Variants in ECI1 observed in about 807,000 individuals in gnomAD.
ECI1 encodes the protein enoyl-CoA delta isomerase 1, mitochondrial.
Under a neutral mutation model 34.2 loss-of-function variants are expected in ECI1, and 34 were observed. The observed-to-expected ratio is 1.00, with a 90% CI of 0.76 to 1.33. ECI1 has a LOEUF of 1.33. Among genes scored for constraint, ECI1 ranks in the 40% most tolerant of loss-of-function variants. The pLI is 0.00. For missense variants in ECI1, 456 were observed against 422.2 expected, an observed-to-expected ratio of 1.08 and a Z score of -0.70; for synonymous variants, 211 against 193.0, an observed-to-expected ratio of 1.09 and a Z score of -0.77.
intron 6 of ECI1, chr16:2,240,364 A>G: frequency 1.9e-6 from 1 of 515,884 alleles, no homozygotes; most frequent in Non-Finnish European, 3.5e-6. Context: ...ACCGTGTGCC[A>G]CCACACCCGG....
chr16:2,251,526 A>T lies in ECI1; in HGVS notation c.41T>A (p.Leu14Gln), dbSNP rs199944223. 3.4e-4 allele frequency: 530 copies of T among 1,560,730 alleles called. 2 individuals carry two copies. The African/African-American group carries it at 6.9e-3, about 20-fold the overall frequency. Residue 14 changes from leucine to glutamine, a missense_variant, in exon 1 of 7, where the codon CTG becomes CAG. Coordinates refer to ENST00000301729, the MANE Select transcript of ECI1 (RefSeq NM_001919.4). ...CCCGGGTTTCGCACCCGCGCGGAGC[A>T]GAACGCGCGCCGGGACTCGCACAGA... The part of the protein sequence containing the change: ...VASVRVPARV[L>Q]LRAGARLPGA...
intron 4 of ECI1, 70 bp from the exon 5 acceptor site, chr16:2,243,509 A>C: frequency 6.3e-7 from 1 of 1,588,076 alleles, no homozygotes. Context: ...GGCCAGGTCC[A>C]AGGAAGGAGG....
At chr16:2,249,929 A>G (rs1207161533) in intron 2 of ECI1, among the ~76,000 whole-genome samples, 4 of 143,646 alleles carry the variant, frequency 2.8e-5, no homozygotes, top group Non-Finnish European at 6.1e-5. Context: ...TTGGAGTCAG[A>G]AAGTCAGGCC....
At chr16:2,243,928 G>A (rs921013674) in intron 4 of ECI1, among the ~76,000 whole-genome samples, 8 of 152,290 alleles carry the variant, frequency 5.3e-5, no homozygotes, top group African/African-American at 1.9e-4. Context: ...GCATGGCCGT[G>A]CACCCTTGAG....
At chr16:2,246,164 CGAT>C (rs2093539799) in intron 3 of ECI1, among the ~76,000 whole-genome samples, 2 of 152,166 alleles carry the variant, frequency 1.3e-5, no homozygotes, top group Non-Finnish European at 2.9e-5. Context: ...TGCCCCTCGG[CGAT>C]GTTGGTAATG....
In ECI1 at chr16:2,239,857, T is replaced by A. The variant is rs2093523555; in HGVS notation, c.*122A>T. ...CCACTGGGCTATGAGGAACAGGAAC[T>A]TCTACGTAACATCAGCAAAATGAAA... On this transcript the variant is annotated 3_prime_UTR_variant, in exon 7 of 7. Transcript: ENST00000301729. 9.0e-7 allele frequency: 1 copy of A among 1,115,942 alleles called. No individual in the cohort carries two copies. Among genetic ancestry groups the A allele is most frequent in the Non-Finnish European group, 1.4e-6 (1 of 737,524 alleles). The allele number at this position is 1,115,942 out of a possible 1,614,324, so 69.1% of individuals were successfully genotyped here.
chr16:2,249,560 C>T (rs901372446), intron 2 of ECI1, among the ~76,000 whole-genome samples: 2 of 151,866 alleles, frequency 1.3e-5, no homozygotes, highest in African/African-American at 4.8e-5. Context: ...TCGAGTGCCT[C>T]CCCACTTTAC....
chr16:2,245,042 C>T (rs777348696), intron 3 of ECI1, among the ~76,000 whole-genome samples: 24 of 152,256 alleles, frequency 1.6e-4, no homozygotes, highest in South Asian at 2.1e-4. Context: ...CAAGGAAGGG[C>T]GAGGGGTGAG....
At chr16:2,249,852 T>TG (rs1474918947) in intron 2 of ECI1, among the ~76,000 whole-genome samples, 1 of 111,058 alleles carries the variant, frequency 9.0e-6, no homozygotes, top group Non-Finnish European at 1.7e-5. Context: ...CACTCCAGCC[T>TG]GGCGACAGAG....
At chr16:2,249,271 A>G (rs11640985) in intron 2 of ECI1, among the ~76,000 whole-genome samples, 16,483 of 151,442 alleles carry the variant, frequency 0.11, 1,137 homozygotes, top group Middle Eastern at 0.16. Context: ...GAATGGTCTC[A>G]ATCTCCTGAC....
Position 2,239,566 on chromosome 16 carries a change from T to C in ECI1, c.*413A>G. On this transcript the variant is annotated 3_prime_UTR_variant, in exon 7 of 7. Coordinates refer to ENST00000301729, the MANE Select transcript of ECI1 (RefSeq NM_001919.4). Reference sequence around the variant, plus strand: ...GAGTAAGGGCAGTGACCAAAGGGCTTTTCCCTGGGGAGTTCTGTGTGGGTC... The same window carrying C: ...GAGTAAGGGCAGTGACCAAAGGGCTCTTCCCTGGGGAGTTCTGTGTGGGTC... 3.2e-6 allele frequency: 1 copy of C among 311,116 alleles called. No homozygotes were observed. Among genetic ancestry groups the C allele is most frequent in the Non-Finnish European group, 6.3e-6 (1 of 159,480 alleles). 19.3% of individuals were successfully genotyped at this position (311,116 alleles called of 1,614,324 possible). A position where few individuals can be genotyped will look rare whatever the true frequency, so the allele number is the denominator to read the frequency against.
At chr16:2,249,968 C>T (rs1164251811) in intron 2 of ECI1, among the ~76,000 whole-genome samples, 3 of 143,750 alleles carry the variant, frequency 2.1e-5, no homozygotes, top group Non-Finnish European at 4.5e-5. Flanking sequence ...GCCGGAACCG[C>T]GCCATTGCAC....
intron 3 of ECI1, among the ~76,000 whole-genome samples, chr16:2,245,304 C>T (rs2093537733): frequency 6.6e-6 from 1 of 152,222 alleles, no homozygotes; most frequent in African/African-American, 2.4e-5. Context: ...GCAGCTGAAC[C>T]CAGCTCACCC....
chr16:2,250,120 A>G (rs11644884), intron 2 of ECI1, among the ~76,000 whole-genome samples: 16,084 of 149,894 alleles, frequency 0.11, 1,122 homozygotes, highest in Middle Eastern at 0.16. Context: ...ATTAGTGGGC[A>G]TAGTGGTGGG....
intron 3 of ECI1, among the ~76,000 whole-genome samples, chr16:2,245,734 C>T (rs1041274242): frequency 2.0e-5 from 3 of 152,144 alleles, no homozygotes; most frequent in Non-Finnish European, 2.9e-5. Context: ...AAAAATTAAC[C>T]AGGTGCAATG....
intron 3 of ECI1, among the ~76,000 whole-genome samples, 176 bp downstream of exon 3, chr16:2,246,683 G>A (rs569650584): frequency 9.8e-5 from 15 of 152,338 alleles, no homozygotes; most frequent in South Asian, 8.3e-4. Flanking sequence ...ACACCCAGAC[G>A]GTGCTCCTGG....
rs1389525435 is a variant in ECI1, at chr16:2,246,859, C to A, written c.294G>T (p.Ser98=). Residue 98 remains serine, a splice_region_variant and synonymous_variant, in exon 3 of 7, where the codon TCG becomes TCT. Transcript: ENST00000301729. ...DKSFRGVILT[S]DRPGVFSAGL... The stretch of plus-strand genomic sequence containing the variant: ...GGTAGGGAGCTGAACTAGCACCTAC[C>A]GAGGTCAGAATGACACCGCGGAAGC... 6.2e-7 allele frequency: 1 copy of A among 1,612,514 alleles called. No individual in the cohort carries two copies. The highest frequency in any genetic ancestry group is 8.5e-7 in the Non-Finnish European group (1 of 1,180,004).
At chr16:2,248,475 C>T (rs28695528) in intron 2 of ECI1, among the ~76,000 whole-genome samples, 2,710 of 151,972 alleles carry the variant, frequency 0.018, 75 homozygotes, top group African/African-American at 0.061. Flanking sequence ...AGTGCAGCAG[C>T]GCTATCTCGG....
chr16:2,239,620 C>T lies in ECI1; in HGVS notation c.*359G>A, dbSNP rs1035141838. The T allele has an allele frequency of 5.0e-5, 18 of 362,696 alleles. No individual in the cohort carries two copies. Among genetic ancestry groups the T allele is most frequent in the African/African-American group, 3.6e-4 (17 of 47,214 alleles). The allele number at this position is 362,696 out of a possible 1,614,324, so 22.5% of individuals were successfully genotyped here. On this transcript the variant is annotated 3_prime_UTR_variant, in exon 7 of 7. Transcript: ENST00000301729. ...GGGGCCAAGACCACCTGGCCTTACA[C>T]CTAAGAGCAGGCAGTCCAAAGGCCA...
Sources: allele counts gnomAD v4.1 joint callset (sites outside exome capture counted in the v4.1 genomes callset), GRCh38; gene constraint gnomAD v4.1.1; transcripts MANE v1.5; gene names NCBI Gene and HGNC (gene_info 2026-07-23, HGNC 2026-07-21).